ABTB2: variants seen among roughly 807,000 people sequenced by gnomAD.
The protein encoded by ABTB2 is ankyrin repeat and BTB/POZ domain-containing protein 2.
In ABTB2, 56 loss-of-function variants were observed where a neutral mutation model predicts 104.1. The observed-to-expected ratio is 0.54, with a 90% CI of 0.43 to 0.67. The LOEUF (loss-of-function observed/expected upper bound fraction) is 0.67, where lower values mean the gene tolerates loss of function less well. Ranked by LOEUF, ABTB2 falls within the 30% of genes least tolerant of loss-of-function variation. The pLI is 0.00. For synonymous variants in ABTB2, 606 were observed against 608.2 expected (o/e 1.00, Z 0.05); for missense variants, 1,279 against 1,407.7 (o/e 0.91, Z 1.46).
intron 1 of ABTB2, among the ~76,000 whole-genome samples, chr11:34,325,936 G>A (rs1369699941): frequency 8.7e-6 from 1 of 114,614 alleles, no homozygotes. Flanking sequence ...GGGCGACAGA[G>A]TGAGACAGTC....
chr11:34,307,780 C>A (rs1177142847), intron 1 of ABTB2, among the ~76,000 whole-genome samples: 1 of 151,900 alleles, frequency 6.6e-6, no homozygotes, highest in Non-Finnish European at 1.5e-5. Context: ...CTCACCGCAA[C>A]CTCCGTCTCC....
chr11:34,237,049 T>A (rs1012276952), intron 1 of ABTB2, among the ~76,000 whole-genome samples: 1 of 152,126 alleles, frequency 6.6e-6, no homozygotes, highest in Admixed American at 6.5e-5. Context: ...GAGTAGGGGC[T>A]TTGGGGACAG....
intron 1 of ABTB2, chr11:34,335,202 C>T (rs1199913511): frequency 2.4e-6 from 3 of 1,266,740 alleles, no homozygotes; most frequent in East Asian, 2.3e-5. Flanking sequence ...ACCCCAGAGA[C>T]TATGACGAAT....
intron 1 of ABTB2, among the ~76,000 whole-genome samples, chr11:34,291,796 T>C (rs867539318): frequency 8.5e-5 from 13 of 152,298 alleles, no homozygotes; most frequent in South Asian, 2.1e-4. Flanking sequence ...ACGCCCGGCC[T>C]GATATGTTTA....
Position 34,357,932 on chromosome 11 carries a change from G to A in ABTB2, c.-349C>T, listed in dbSNP as rs1346141080. On this transcript the variant is annotated 5_prime_UTR_variant, in exon 1 of 17. Transcript: ENST00000435224. ...GAGAACAGGGCGGCGGCGGCAGAAG[G>A]AGGAGGCGGCGGCGCAGGGCGCAGG... The A allele has an allele frequency of 1.7e-5, 4 of 241,796 alleles. No homozygotes were observed. Among genetic ancestry groups the A allele is most frequent in the Non-Finnish European group, 3.1e-5 (4 of 127,252 alleles). The allele number at this position is 241,796 out of a possible 1,614,324, so 15.0% of individuals were successfully genotyped here.
intron 1 of ABTB2, among the ~76,000 whole-genome samples, chr11:34,254,232 C>G (rs1004156557): frequency 6.6e-6 from 1 of 152,132 alleles, no homozygotes; most frequent in African/African-American, 2.4e-5. Context: ...TTTCTGACAC[C>G]GAGAAATAAA....
In ABTB2 at chr11:34,244,753, A is replaced by AGGGTCCCTTATAAGATTG. The variant is rs989078876; in HGVS notation, c.884-40064_884-40063insCAATCTTATAAGGGACCC. 7.2e-5 allele frequency among the ~76,000 whole-genome samples: 11 copies of AGGGTCCCTTATAAGATTG among 152,148 alleles called. 1 individual carries two copies. The highest frequency in any genetic ancestry group is 2.4e-4 in the African/African-American group (10 of 41,424). ...TAGGGTCCCTTATAAGATTGTTGTA[A>AGGGTCCCTTATAAGATTG]TCCCAGCACTTTGGGAGACCGAGGA... is the stretch of plus-strand genomic sequence containing the variant. On this transcript the variant is annotated intron_variant, in intron 1 of 16. Coordinates refer to ENST00000435224, the MANE Select transcript of ABTB2 (RefSeq NM_145804.3).
At chr11:34,274,158 C>CAAAAAAAAAAAAAAAAA (rs763755237) in intron 1 of ABTB2, among the ~76,000 whole-genome samples, 1 of 50,746 alleles carries the variant, frequency 2.0e-5, no homozygotes, top group African/African-American at 7.1e-5. Flanking sequence ...GACTCCGTCT[C>CAAAAAAAAAAAAAAAAA]AAAAAAAAAA....
chr11:34,279,770 T>C (rs574743892), intron 1 of ABTB2, among the ~76,000 whole-genome samples: 1 of 150,988 alleles, frequency 6.6e-6, no homozygotes, highest in South Asian at 2.1e-4. Flanking sequence ...CTAAATGCTT[T>C]TCTTTTCTTT....
chr11:34,245,915 C>A (rs1853978174), intron 1 of ABTB2, among the ~76,000 whole-genome samples: 1 of 152,208 alleles, frequency 6.6e-6, no homozygotes, highest in Non-Finnish European at 1.5e-5. Flanking sequence ...TAAACCCAGG[C>A]CTTGAAGCTG....
intron 1 of ABTB2, among the ~76,000 whole-genome samples, chr11:34,253,924 T>G (rs903036486): frequency 6.6e-6 from 1 of 152,010 alleles, no homozygotes; most frequent in African/African-American, 2.4e-5. Flanking sequence ...CCCTCTCCAA[T>G]CCTCCCTCAG....
chr11:34,346,460 G>A (rs1855333305), intron 1 of ABTB2, among the ~76,000 whole-genome samples: 1 of 152,080 alleles, frequency 6.6e-6, no homozygotes, highest in African/African-American at 2.4e-5. Context: ...CATCTTTCTG[G>A]GGAAAGGGGC....
intron 1 of ABTB2, among the ~76,000 whole-genome samples, chr11:34,249,243 G>A (rs1590229751): frequency 6.6e-6 from 1 of 152,216 alleles, no homozygotes; most frequent in East Asian, 1.9e-4. Context: ...GACCACCACT[G>A]AATCAATGAC....
intron 1 of ABTB2, among the ~76,000 whole-genome samples, chr11:34,237,813 C>A (rs1170370394): frequency 6.6e-5 from 10 of 152,142 alleles, no homozygotes; most frequent in Non-Finnish European, 1.0e-4. Context: ...ATCGCTTGAA[C>A]CTGGGAGGTG....
intron 1 of ABTB2, chr11:34,335,546 A>G: frequency 1.5e-6 from 2 of 1,301,904 alleles, no homozygotes; most frequent in South Asian, 1.2e-5. Flanking sequence ...ACAATTCTGG[A>G]CACGTTTGTA....
At chr11:34,190,272 C>CA (rs61052853) in intron 3 of ABTB2, among the ~76,000 whole-genome samples, 77,750 of 114,690 alleles carry the variant, frequency 0.68, 25,559 homozygotes, top group East Asian at 0.94. Flanking sequence ...GCTGCCCCCC[C>CA]AAAAAAAAAA....
In ABTB2 at chr11:34,167,937, A is replaced by G. The variant is rs1391492773; in HGVS notation, c.1619T>C (p.Met540Thr). ...CAAGDEAMVQ[M>T]LIDAGANLDI... ...CAAGTTTGCCCCAGCATCAATCAAC[A>G]TCTGGACCATCGCTTCGTCCCCAGC... The change falls in exon 6 of 17, where the codon ATG (methionine) becomes ACG (threonine). Residue 540 changes from methionine to threonine, a missense_variant. Met to Thr is a moderately conservative substitution (Grantham distance 81). Coordinates refer to ENST00000435224, the MANE Select transcript of ABTB2 (RefSeq NM_145804.3). 3.7e-6 allele frequency: 6 copies of G among 1,614,226 alleles called. No homozygotes were observed. Among genetic ancestry groups the G allele is most frequent in the Non-Finnish European group, 5.1e-6 (6 of 1,180,046 alleles).
intron 2 of ABTB2, among the ~76,000 whole-genome samples, chr11:34,197,910 G>A (rs1853282664): frequency 6.6e-6 from 1 of 152,092 alleles, no homozygotes; most frequent in South Asian, 2.1e-4. Context: ...ACCAGCCAGG[G>A]CCAGGCTCTG....
intron 1 of ABTB2, among the ~76,000 whole-genome samples, chr11:34,274,327 C>T (rs886789302): frequency 9.2e-5 from 14 of 152,004 alleles, no homozygotes; most frequent in Non-Finnish European, 2.1e-4. Context: ...TGACAGAAGC[C>T]AAGGTCACAG....
Sources: allele counts gnomAD v4.1 joint callset (sites outside exome capture counted in the v4.1 genomes callset), GRCh38; gene constraint gnomAD v4.1.1; transcripts MANE v1.5; gene names NCBI Gene and HGNC (gene_info 2026-07-23, HGNC 2026-07-21).